The following KCNH8 variants were observed in gnomAD, a reference collection of about 807,000 sequenced individuals.
KCNH8 encodes the protein voltage-gated delayed rectifier potassium channel KCNH8.
KCNH8 carries 70 observed loss-of-function variants against 103.6 expected under a neutral mutation model. The observed-to-expected ratio is 0.68, with a 90% CI of 0.56 to 0.82. The LOEUF is 0.82. Ranked by LOEUF, KCNH8 falls within the 40% of genes least tolerant of loss-of-function variation. KCNH8 has a pLI of 0.00. For synonymous variants in KCNH8, 498 were observed against 489.4 expected (o/e 1.02, Z -0.23); for missense variants, 1,217 against 1,329.9 (o/e 0.92, Z 1.32).
chr3:19,518,420 C>G (rs983532970), intron 15 of KCNH8, among the ~76,000 whole-genome samples: 2 of 152,012 alleles, frequency 1.3e-5, no homozygotes, highest in African/African-American at 4.8e-5. Context: ...TTGTGACCTT[C>G]CATTTTTAAT....
intron 5 of KCNH8, among the ~76,000 whole-genome samples, chr3:19,384,582 T>C (rs2066331950): frequency 6.6e-6 from 1 of 152,176 alleles, no homozygotes; most frequent in Non-Finnish European, 1.5e-5. Flanking sequence ...GCTGCATTAC[T>C]AGAAGTATTA....
intron 1 of KCNH8, among the ~76,000 whole-genome samples, chr3:19,219,700 A>C (rs1355407879): frequency 1.3e-5 from 2 of 152,170 alleles, no homozygotes; most frequent in Non-Finnish European, 2.9e-5. Flanking sequence ...GGTGCTTGCC[A>C]TGGCTCCCTT....
intron 3 of KCNH8, among the ~76,000 whole-genome samples, chr3:19,295,901 C>T (rs1015251121): frequency 6.6e-6 from 1 of 152,060 alleles, no homozygotes; most frequent in Admixed American, 6.5e-5. Context: ...AAGATAGGGT[C>T]CCCAGTTTTG....
chr3:19,252,597 C>G (rs575771019), intron 1 of KCNH8, among the ~76,000 whole-genome samples: 3 of 151,938 alleles, frequency 2.0e-5, no homozygotes, highest in Non-Finnish European at 4.4e-5. Flanking sequence ...ACCATATTGG[C>G]CAGGCTGGTT....
At chr3:19,497,437 T>C (rs1295854466) in intron 11 of KCNH8, among the ~76,000 whole-genome samples, 2 of 152,198 alleles carry the variant, frequency 1.3e-5, no homozygotes, top group African/African-American at 4.8e-5. Context: ...GATTCTGGTA[T>C]GTTGTGTCTT....
chr3:19,280,332 T>C (rs1016615060), intron 2 of KCNH8, among the ~76,000 whole-genome samples: 2 of 152,026 alleles, frequency 1.3e-5, no homozygotes, highest in African/African-American at 4.8e-5. Context: ...TGTAAGCATT[T>C]AAGAACTGAA....
At chr3:19,375,199 G>A (rs2066173340) in intron 5 of KCNH8, among the ~76,000 whole-genome samples, 1 of 152,048 alleles carries the variant, frequency 6.6e-6, no homozygotes, top group South Asian at 2.1e-4. Flanking sequence ...CCTGCAGGGT[G>A]TTTTCCAGGT....
At chr3:19,487,165 G>A (rs1236568402) in intron 11 of KCNH8, among the ~76,000 whole-genome samples, 3 of 152,168 alleles carry the variant, frequency 2.0e-5, no homozygotes, top group East Asian at 1.9e-4. Flanking sequence ...GGGTCCAAGT[G>A]TACTGAGTAG....
At chr3:19,185,774 C>T (rs1232181044) in intron 1 of KCNH8, among the ~76,000 whole-genome samples, 1 of 151,826 alleles carries the variant, frequency 6.6e-6, no homozygotes, top group Non-Finnish European at 1.5e-5. Flanking sequence ...ATTAGAATTC[C>T]TACATTCTAA....
At chr3:19,220,559 T>TC (rs2063863429) in intron 1 of KCNH8, among the ~76,000 whole-genome samples, 1 of 151,884 alleles carries the variant, frequency 6.6e-6, no homozygotes, top group Non-Finnish European at 1.5e-5. Context: ...GAGGAAGGAC[T>TC]CCCTACACAG....
At chr3:19,297,098 A>C (rs2065005977) in intron 3 of KCNH8, among the ~76,000 whole-genome samples, 1 of 152,318 alleles carries the variant, frequency 6.6e-6, no homozygotes, top group East Asian at 1.9e-4. Flanking sequence ...TCAAGCTCTC[A>C]AGAAAATGGT....
chr3:19,455,671 G>A (rs1030438432), intron 10 of KCNH8, among the ~76,000 whole-genome samples: 9 of 152,058 alleles, frequency 5.9e-5, no homozygotes, highest in South Asian at 2.1e-4. Flanking sequence ...TCCAGCACGC[G>A]TGGTCAGTTC....
intron 1 of KCNH8, among the ~76,000 whole-genome samples, chr3:19,207,449 A>G (rs114131775): frequency 0.02 from 2,985 of 152,112 alleles, 92 homozygotes; most frequent in African/African-American, 0.066. Flanking sequence ...TATACTGAAT[A>G]AAGGATCTCT....
chr3:19,255,286 C>T (rs536958958), intron 2 of KCNH8, among the ~76,000 whole-genome samples: 11 of 152,058 alleles, frequency 7.2e-5, no homozygotes, highest in East Asian at 1.9e-4. Context: ...CTACCTAGTC[C>T]GTGTTATTTT....
chr3:19,408,554 T>C (rs950162795), intron 7 of KCNH8, among the ~76,000 whole-genome samples: 1 of 151,936 alleles, frequency 6.6e-6, no homozygotes, highest in East Asian at 1.9e-4. Flanking sequence ...GAATCCAAAG[T>C]ATGGATTGCA....
intron 3 of KCNH8, among the ~76,000 whole-genome samples, chr3:19,333,735 G>A (rs947796174): frequency 6.6e-6 from 1 of 152,182 alleles, no homozygotes; most frequent in African/African-American, 2.4e-5. Flanking sequence ...TAAGAATGTG[G>A]AAGATATAAA....
At chr3:19,235,436 A>G (rs889460145) in intron 1 of KCNH8, among the ~76,000 whole-genome samples, 1 of 152,176 alleles carries the variant, frequency 6.6e-6, no homozygotes, top group Admixed American at 6.5e-5. Flanking sequence ...TGGGGCATAC[A>G]TATGTATCTT....
chr3:19,319,668 T>C (rs1337624919), intron 3 of KCNH8, among the ~76,000 whole-genome samples: 3 of 152,132 alleles, frequency 2.0e-5, no homozygotes, highest in South Asian at 2.1e-4. Context: ...TGGTTCCATA[T>C]CAATTTCAGG....
intron 11 of KCNH8, among the ~76,000 whole-genome samples, chr3:19,492,363 A>G (rs939424821): frequency 1.3e-5 from 2 of 152,134 alleles, no homozygotes; most frequent in African/African-American, 4.8e-5. Context: ...GTGGTGACAG[A>G]TAGGAGTCTA....
Sources: gnomAD v4.1 joint callset for allele counts (sites outside exome capture counted in the v4.1 genomes callset) on GRCh38, gnomAD v4.1.1 for gene constraint, MANE v1.5 for transcripts, NCBI Gene and HGNC (gene_info 2026-07-23, HGNC 2026-07-21) for gene names.